Variants in HSPA12A observed in about 807,000 individuals in gnomAD.
HSPA12A encodes heat shock 70 kDa protein 12A.
HSPA12A carries 28 observed loss-of-function variants against 69.2 expected under a neutral mutation model. The observed-to-expected ratio is 0.40, with a 90% CI of 0.30 to 0.55. The LOEUF is 0.55. Ranked by LOEUF, HSPA12A falls within the 20% of genes least tolerant of loss-of-function variation. The probability of loss-of-function intolerance (pLI) is 0.38; values close to 1 mark genes in which losing one functional copy is unlikely to be tolerated. For missense variants in HSPA12A, 686 were observed against 900.7 expected, an observed-to-expected ratio of 0.76 and a Z score of 3.05; for synonymous variants, 345 against 370.5, an observed-to-expected ratio of 0.93 and a Z score of 0.79.
chr10:116,689,626 CAG>C (rs1849677273), intron 6 of HSPA12A, among the ~76,000 whole-genome samples: 1 of 152,012 alleles, frequency 6.6e-6, no homozygotes, highest in South Asian at 2.1e-4. Flanking sequence ...GACAGACAGA[CAG>C]ACAGACAGAC....
intron 1 of HSPA12A, among the ~76,000 whole-genome samples, chr10:116,845,678 C>T (rs530955259): frequency 1.3e-5 from 2 of 152,248 alleles, no homozygotes; most frequent in Admixed American, 6.5e-5. Context: ...ACACTCAACC[C>T]TTCTCAAGCT....
chr10:116,699,207 G>A (rs1179182002), intron 4 of HSPA12A, among the ~76,000 whole-genome samples: 3 of 152,072 alleles, frequency 2.0e-5, no homozygotes, highest in South Asian at 2.1e-4. Flanking sequence ...TCCCCATTAC[G>A]CTGCCAACCA....
chr10:116,709,048 C>CA (rs1240324072), intron 1 of HSPA12A, among the ~76,000 whole-genome samples: 1 of 143,476 alleles, frequency 7.0e-6, no homozygotes, highest in Non-Finnish European at 1.5e-5. Context: ...GGTATCTACC[C>CA]AAAAAACTGA....
At chr10:116,696,008 A>AAAAAAAAAC in intron 5 of HSPA12A, among the ~76,000 whole-genome samples, 1 of 145,410 alleles carries the variant, frequency 6.9e-6, no homozygotes, top group Non-Finnish European at 1.5e-5. Flanking sequence ...ATCTCAAAAA[A>AAAAAAAAAC]AAAAAAAAAA....
chr10:116,776,123 C>T (rs1844332090), intron 2 of HSPA12A, among the ~76,000 whole-genome samples: 1 of 152,174 alleles, frequency 6.6e-6, no homozygotes, highest in Admixed American at 6.5e-5. Flanking sequence ...TCCTGGTTCC[C>T]AGGTCCCTGT....
intron 2 of HSPA12A, among the ~76,000 whole-genome samples, chr10:116,801,120 A>T (rs1844946602): frequency 6.6e-6 from 1 of 152,216 alleles, no homozygotes; most frequent in Admixed American, 6.5e-5. Context: ...GGTTGACACT[A>T]AATTGATTTC....
At position 116,707,184 on chromosome 10, in the gene HSPA12A, C is replaced by CAG. The variant is rs1399869875; in HGVS notation, c.126+15_126+16insCT. 6.3e-7 allele frequency: 1 copy of CAG among 1,576,822 alleles called. No individual in the cohort carries two copies. The highest frequency in any genetic ancestry group is 8.7e-7 in the Non-Finnish European group (1 of 1,154,664). ...ACACACACACACACACACACACACACACACACACTTCTTACCACAATATGG... is the reference window on the plus strand; with the variant it reads ...ACACACACACACACACACACACACACAGACACACACTTCTTACCACAATATGG... On this transcript the variant is annotated intron_variant, in intron 2 of 11. Transcript: ENST00000369209.
rs1371721395 is a variant in HSPA12A, at chr10:116,763,684, G to C, written c.92-56399C>G. ...GCCATCTCCAGGCAGACACAAAGGG[G>C]TCATTTTTCTCTCCCTCATGAACAA... On this transcript the variant is annotated intron_variant, in intron 2 of 12. Transcript: ENST00000635765. 2.0e-5 allele frequency among the ~76,000 whole-genome samples: 3 copies of C among 152,124 alleles called. No homozygotes were observed. The East Asian group carries it at 5.8e-4, about 29-fold the overall frequency.
chr10:116,839,447 C>T (rs1845768359), intron 1 of HSPA12A, among the ~76,000 whole-genome samples: 3 of 152,098 alleles, frequency 2.0e-5, no homozygotes, highest in South Asian at 2.1e-4. Context: ...CTTCCCATAC[C>T]CTTGTTTTTC....
intron 2 of HSPA12A, among the ~76,000 whole-genome samples, chr10:116,778,222 T>G (rs782694385): frequency 5.3e-5 from 8 of 152,192 alleles, no homozygotes; most frequent in Non-Finnish European, 1.0e-4. Flanking sequence ...AATATATTAT[T>G]TAAATATGCA....
chr10:116,705,031 C>A, intron 3 of HSPA12A, 120 bp downstream of exon 3: 2 of 1,261,462 alleles, frequency 1.6e-6, no homozygotes, highest in East Asian at 2.5e-5. Flanking sequence ...GAGCTTGAGC[C>A]AAGCTGGAAC....
At chr10:116,718,869 G>A (rs567671285) in intron 1 of HSPA12A, among the ~76,000 whole-genome samples, 9 of 152,028 alleles carry the variant, frequency 5.9e-5, no homozygotes, top group African/African-American at 2.2e-4. Context: ...ACTTAACTGA[G>A]TTCTAGAAGA....
intron 1 of HSPA12A, among the ~76,000 whole-genome samples, chr10:116,843,499 C>A (rs1185467908): frequency 6.6e-6 from 1 of 152,126 alleles, no homozygotes; most frequent in East Asian, 1.9e-4. Flanking sequence ...CCTAGCAATT[C>A]TATGAAATTA....
At position 116,821,207 on chromosome 10, in the gene HSPA12A, T is replaced by C. The variant is rs112293737; in HGVS notation, c.91+13728A>G. 2.7e-3 allele frequency among the ~76,000 whole-genome samples: 404 copies of C among 152,330 alleles called. 1 individual carries two copies. Among genetic ancestry groups the C allele is most frequent in the African/African-American group, 9.4e-3 (390 of 41,576 alleles). On this transcript the variant is annotated intron_variant, in intron 2 of 12. Coordinates refer to the HSPA12A transcript ENST00000635765. ...CGTGTCACTCTCCCTCTCAAGACCCTGGCTTCCCACCTCAGAGGAGAAGCT... is the reference window on the plus strand; with the variant it reads ...CGTGTCACTCTCCCTCTCAAGACCCCGGCTTCCCACCTCAGAGGAGAAGCT...
At chr10:116,782,646 A>G (rs782070803) in intron 2 of HSPA12A, among the ~76,000 whole-genome samples, 2 of 152,216 alleles carry the variant, frequency 1.3e-5, no homozygotes, top group Non-Finnish European at 2.9e-5. Flanking sequence ...AAACCAAGCA[A>G]AACTAAACAG....
intron 2 of HSPA12A, among the ~76,000 whole-genome samples, chr10:116,792,646 G>C (rs897391757): frequency 1.4e-5 from 2 of 146,158 alleles, no homozygotes; most frequent in Non-Finnish European, 3.0e-5. Context: ...AATTAGCCAG[G>C]CATGGTAGTG....
At chr10:116,681,014 T>C in intron 9 of HSPA12A, 138 bp downstream of exon 9, 1 of 620,644 alleles carries the variant, frequency 1.6e-6, no homozygotes, top group Non-Finnish European at 2.9e-6. Flanking sequence ...CAAGCAGACA[T>C]TAGTATCCTC....
chr10:116,759,009 G>T (rs1215607134), intron 2 of HSPA12A, among the ~76,000 whole-genome samples: 1 of 152,184 alleles, frequency 6.6e-6, no homozygotes, highest in Non-Finnish European at 1.5e-5. Flanking sequence ...CAGCCGGCTT[G>T]TTTCAGATTC....
At chr10:116,846,099 C>T (rs1295306654) in intron 1 of HSPA12A, among the ~76,000 whole-genome samples, 3 of 152,150 alleles carry the variant, frequency 2.0e-5, no homozygotes, top group African/African-American at 7.2e-5. Context: ...CAGCATCTGG[C>T]ACGTGGTGGC....
Sources: allele counts gnomAD v4.1 joint callset (sites outside exome capture counted in the v4.1 genomes callset), GRCh38; gene constraint gnomAD v4.1.1; transcripts MANE v1.5; gene names NCBI Gene and HGNC (gene_info 2026-07-23, HGNC 2026-07-21).